Variants in CDH18 observed in about 807,000 individuals in gnomAD.
The protein encoded by CDH18 is cadherin 18.
A neutral mutation model predicts 67.9 loss-of-function variants in CDH18; 31 were observed. The observed-to-expected ratio is 0.46, with a 90% confidence interval of 0.34 to 0.62. The LOEUF is 0.62. Among genes scored for constraint, CDH18 ranks in the 20% least tolerant of loss-of-function variants. The pLI, the probability that CDH18 is intolerant of heterozygous loss-of-function variation, is 0.01. For synonymous variants in CDH18, 362 were observed against 347.2 expected, an observed-to-expected ratio of 1.04 and a Z score of -0.48; for missense variants, 890 against 975.5, an observed-to-expected ratio of 0.91 and a Z score of 1.17.
intron 1 of CDH18, among the ~76,000 whole-genome samples, chr5:20,377,435 G>A (rs1284244938): frequency 1.3e-5 from 2 of 152,076 alleles, no homozygotes; most frequent in Non-Finnish European, 2.9e-5. Flanking sequence ...TCTTTTCTTA[G>A]TACAGAGACA....
chr5:20,365,397 A>G (rs1422873897), intron 1 of CDH18, among the ~76,000 whole-genome samples: 3 of 152,192 alleles, frequency 2.0e-5, no homozygotes, highest in Admixed American at 6.5e-5. Flanking sequence ...GGGGACACAA[A>G]TATTCAGTCC....
chr5:19,913,177 C>A (rs1024283157), intron 2 of CDH18, among the ~76,000 whole-genome samples: 10 of 151,920 alleles, frequency 6.6e-5, no homozygotes, highest in African/African-American at 2.2e-4. Flanking sequence ...GAATTAGGCC[C>A]TCATATTAGT....
chr5:19,815,165 T>C (rs1779153917), intron 3 of CDH18, among the ~76,000 whole-genome samples: 1 of 152,076 alleles, frequency 6.6e-6, no homozygotes, highest in Non-Finnish European at 1.5e-5. Context: ...TGCATCCAGT[T>C]TGTTGGAGGA....
intron 9 of CDH18, among the ~76,000 whole-genome samples, chr5:19,522,805 G>T (rs1360491545): frequency 1.3e-5 from 2 of 148,712 alleles, no homozygotes; most frequent in Non-Finnish European, 3.0e-5. Context: ...TGAGGCAGGA[G>T]AATCACTTGA....
chr5:20,148,387 G>A (rs927030189), intron 2 of CDH18, among the ~76,000 whole-genome samples: 2 of 152,042 alleles, frequency 1.3e-5, no homozygotes, highest in South Asian at 2.1e-4. Flanking sequence ...GTGAGCCACC[G>A]TGCCTGGCCT....
intron 2 of CDH18, among the ~76,000 whole-genome samples, chr5:20,116,336 C>T (rs1215736186): frequency 4.6e-5 from 7 of 151,734 alleles, no homozygotes; most frequent in Admixed American, 2.6e-4. Context: ...ATGATGAAAC[C>T]CCCATGTCTA....
chr5:19,965,771 G>C (rs1308311407), intron 2 of CDH18, among the ~76,000 whole-genome samples: 1 of 152,064 alleles, frequency 6.6e-6, no homozygotes, highest in Admixed American at 6.6e-5. Context: ...GGTAGAAAGA[G>C]AGAGGCAGGT....
intron 7 of CDH18, among the ~76,000 whole-genome samples, chr5:19,576,038 G>A (rs1260768924): frequency 6.6e-6 from 1 of 152,054 alleles, no homozygotes; most frequent in Non-Finnish European, 1.5e-5. Flanking sequence ...ACCCGTAGGG[G>A]CAGTGGCAAG....
intron 2 of CDH18, among the ~76,000 whole-genome samples, chr5:19,854,237 A>T (rs1426530166): frequency 6.6e-6 from 1 of 152,104 alleles, no homozygotes; most frequent in Non-Finnish European, 1.5e-5. Context: ...AACAGATTAT[A>T]AAAAATCTAA....
intron 12 of CDH18, among the ~76,000 whole-genome samples, chr5:19,479,584 A>G (rs575954883): frequency 4.6e-5 from 7 of 152,262 alleles, no homozygotes; most frequent in Admixed American, 6.5e-5. Flanking sequence ...ATATGCTTTT[A>G]GAGCATCTTC....
chr5:20,424,098 A>G lies in CDH18; in HGVS notation c.-580+151364T>C, dbSNP rs148721961. Among the ~76,000 whole-genome samples the G allele has an allele frequency of 2.4e-3, 357 of 150,798 alleles. 4 individuals are homozygous for G. Among genetic ancestry groups the G allele is most frequent in the Non-Finnish European group, 4.0e-3 (273 of 67,968 alleles). ...ACAGCAGAAAAAAATGAGACGATCAACCCAGAAGGACTACACAAAGAATCT... is the reference window on the plus strand; with the variant it reads ...ACAGCAGAAAAAAATGAGACGATCAGCCCAGAAGGACTACACAAAGAATCT... On this transcript the variant is annotated intron_variant, in intron 1 of 14. Transcript: ENST00000507958.
intron 9 of CDH18, among the ~76,000 whole-genome samples, chr5:19,523,885 C>T (rs984437971): frequency 6.6e-6 from 1 of 152,164 alleles, no homozygotes; most frequent in South Asian, 2.1e-4. Flanking sequence ...GGATACAAAA[C>T]TTTGATGCAT....
At chr5:20,216,975 C>A (rs1740830906) in intron 2 of CDH18, among the ~76,000 whole-genome samples, 2 of 151,814 alleles carry the variant, frequency 1.3e-5, no homozygotes, top group Admixed American at 6.6e-5. Context: ...AAAAAAGTGG[C>A]ATGACATATT....
chr5:19,722,937 T>C (rs1285220198), intron 4 of CDH18, among the ~76,000 whole-genome samples: 3 of 152,078 alleles, frequency 2.0e-5, no homozygotes, highest in Non-Finnish European at 4.4e-5. Flanking sequence ...ACTAGAAAAT[T>C]TGTACTTCTA....
chr5:20,327,582 T>G (rs1210410318), intron 1 of CDH18, among the ~76,000 whole-genome samples: 1 of 152,124 alleles, frequency 6.6e-6, no homozygotes, highest in Non-Finnish European at 1.5e-5. Flanking sequence ...CTTCCAGTTC[T>G]GAGAATATAG....
intron 1 of CDH18, among the ~76,000 whole-genome samples, chr5:20,259,649 C>G (rs4627989): frequency 0.025 from 3,871 of 152,178 alleles, 153 homozygotes; most frequent in African/African-American, 0.089. Context: ...TGTTAACTGA[C>G]TGTATATGTT....
intron 1 of CDH18, among the ~76,000 whole-genome samples, chr5:19,981,867 A>G (rs1441862834): frequency 6.6e-6 from 1 of 152,146 alleles, no homozygotes; most frequent in Non-Finnish European, 1.5e-5. Context: ...TAGATAAAAT[A>G]TCAAACCACC....
At chr5:20,332,851 G>A (rs1442543128) in intron 1 of CDH18, among the ~76,000 whole-genome samples, 1 of 152,066 alleles carries the variant, frequency 6.6e-6, no homozygotes, top group African/African-American at 2.4e-5. Context: ...AAAGAGCCCT[G>A]GACTGGACAC....
intron 2 of CDH18, among the ~76,000 whole-genome samples, chr5:19,849,077 A>G (rs150132414): frequency 0.013 from 1,948 of 152,046 alleles, 37 homozygotes; most frequent in African/African-American, 0.045. Context: ...GAAGTAACAA[A>G]TAAATCTACT....
Sources: allele counts gnomAD v4.1 joint callset (sites outside exome capture counted in the v4.1 genomes callset), GRCh38; gene constraint gnomAD v4.1.1; transcripts MANE v1.5; gene names NCBI Gene and HGNC (gene_info 2026-07-23, HGNC 2026-07-21).